Variants in PSEN1 observed in about 807,000 individuals in gnomAD.
The protein encoded by PSEN1 is presenilin-1.
PSEN1 carries 15 observed loss-of-function variants against 53.5 expected under a neutral mutation model. That is an observed-to-expected ratio of 0.28 (90% CI 0.19 to 0.43). The LOEUF is 0.43. Ranked by LOEUF, PSEN1 falls within the 20% of genes least tolerant of loss-of-function variation. The pLI, the probability that PSEN1 is intolerant of heterozygous loss-of-function variation, is 1.00. For missense variants in PSEN1, 387 were observed against 571.2 expected (o/e 0.68, Z 3.29); for synonymous variants, 208 against 209.8 (o/e 0.99, Z 0.08).
chr14:73,205,772 C>G (rs1899430044), intron 8 of PSEN1, among the ~76,000 whole-genome samples: 1 of 152,134 alleles, frequency 6.6e-6, no homozygotes, highest in South Asian at 2.1e-4. Flanking sequence ...CACAATGTCT[C>G]TGAACTAAAA....
rs1900100283 is a variant in PSEN1, at chr14:73,220,645, CAAG to C, written c.*1357_*1359del. The C allele has an allele frequency of 6.6e-6, 1 of 152,156 alleles. No homozygotes were observed. Among genetic ancestry groups the C allele is most frequent in the Non-Finnish European group, 1.5e-5 (1 of 68,034 alleles). 9.4% of individuals were successfully genotyped at this position (152,156 alleles called of 1,614,324 possible). On this transcript the variant is annotated 3_prime_UTR_variant, in exon 12 of 12. Transcript: ENST00000324501. ...AGGGGATACAGTGAGCTAATGATGT[CAAG>C]GAGGAGTTTCAGGTTATTCTCGTCA...
chr14:73,217,714 G>C lies in PSEN1; in HGVS notation c.1248+470G>C, dbSNP rs373894154. On this transcript the variant is annotated intron_variant, in intron 11 of 11. Coordinates refer to ENST00000324501, the MANE Select transcript of PSEN1 (RefSeq NM_000021.4). ...ACTTAAGACAGCAAGCATCTAGTGA[G>C]AGGAGCTGGTGCCATGCATGACCCC... Among the ~76,000 whole-genome samples, 120 of 152,184 alleles carry C rather than the reference G, an allele frequency of 7.9e-4. 1 individual carries two copies. The South Asian group carries it at 0.024, about 30-fold the overall frequency.
At chr14:73,166,902 A>G (rs987821868) in intron 3 of PSEN1, among the ~76,000 whole-genome samples, 2 of 152,214 alleles carry the variant, frequency 1.3e-5, no homozygotes, top group African/African-American at 4.8e-5. Context: ...AAAGCACACC[A>G]TGCCTTTATA....
At chr14:73,164,900 C>A (rs362351) in intron 3 of PSEN1, among the ~76,000 whole-genome samples, 1,764 of 152,264 alleles carry the variant, frequency 0.012, 30 homozygotes, top group African/African-American at 0.038. Context: ...TAAATCTGGA[C>A]AGCCAGTGAA....
rs373410824 is a variant in PSEN1 at position 73,186,963 on chromosome 14, C to A, written c.548+43C>A. On this transcript the variant is annotated intron_variant, in intron 6 of 11. Transcript: ENST00000324501. ...TGGTCTGTCTTTCAGAATTAACTAC[C>A]TTTGTGCTGTGTAGCTATCATTTAA... 5 of 1,419,834 alleles carry A rather than the reference C, an allele frequency of 3.5e-6. No homozygotes were observed. The African/African-American group carries it at 5.6e-5, about 16-fold the overall frequency. The allele number at this position is 1,419,834 out of a possible 1,614,324, so 88.0% of individuals were successfully genotyped here. A position where few individuals can be genotyped will look rare whatever the true frequency, so the allele number is the denominator to read the frequency against.
intron 8 of PSEN1, among the ~76,000 whole-genome samples, chr14:73,200,643 A>G (rs975139023): frequency 3.3e-5 from 5 of 152,208 alleles, no homozygotes; most frequent in African/African-American, 4.8e-5. Context: ...CACGGTAACT[A>G]TCATCTCTAA....
At position 73,164,532 on chromosome 14, in the gene PSEN1, A is replaced by G. The variant is rs144940990; in HGVS notation, c.88-6265A>G. Among the ~76,000 whole-genome samples, 476 of 152,334 alleles carry G rather than the reference A, an allele frequency of 3.1e-3. 2 individuals carry two copies. Among genetic ancestry groups the G allele is most frequent in the African/African-American group, 8.7e-3 (361 of 41,572 alleles). On this transcript the variant is annotated intron_variant, in intron 3 of 11. Coordinates refer to ENST00000324501, the MANE Select transcript of PSEN1 (RefSeq NM_000021.4). The stretch of plus-strand genomic sequence containing the variant: ...TTGAAGTACTATCCCAGTAGAATTT[A>G]CAACAACCCTATCAGGAGATACTTT...
intron 5 of PSEN1, 140 bp from the exon 6 acceptor site, chr14:73,186,713 G>A (rs531592504): frequency 1.3e-6 from 1 of 754,694 alleles, no homozygotes; most frequent in African/African-American, 1.7e-5. Flanking sequence ...GGAGGCAGAG[G>A]TTGTGGTGAG....
intron 11 of PSEN1, among the ~76,000 whole-genome samples, 159 bp downstream of exon 11, chr14:73,217,403 C>A (rs1382808034): frequency 2.0e-5 from 3 of 152,196 alleles, no homozygotes; most frequent in Admixed American, 1.3e-4. Context: ...TAGTTCTCTA[C>A]CCTGGCCACA....
rs868611560 is a variant in PSEN1 at position 73,165,696 on chromosome 14, C to T, written c.88-5101C>T. ...CTAGGAAGCAGAGGCTGTGGTGAGC[C>T]GAGATCGCACCATTGCACTCCAGCC... is the stretch of plus-strand genomic sequence containing the variant. On this transcript the variant is annotated intron_variant, in intron 3 of 11. Coordinates refer to ENST00000324501, the MANE Select transcript of PSEN1 (RefSeq NM_000021.4). Among the ~76,000 whole-genome samples, 8 of 149,648 alleles carry T rather than the reference C, an allele frequency of 5.3e-5. No individual in the cohort carries two copies. The South Asian group carries it at 6.3e-4, about 12-fold the overall frequency.
intron 4 of PSEN1, among the ~76,000 whole-genome samples, chr14:73,172,292 T>C (rs1897915087): frequency 6.6e-6 from 1 of 152,210 alleles, no homozygotes. Flanking sequence ...TTGTGAAGTG[T>C]CTGAAAAACT....
intron 5 of PSEN1, among the ~76,000 whole-genome samples, chr14:73,176,970 A>G (rs1898064111): frequency 2.6e-5 from 4 of 152,168 alleles, no homozygotes. Context: ...TGTGGTTACC[A>G]GTTTTTCCTT....
At chr14:73,173,541 G>C (rs1406381259) in intron 4 of PSEN1, 25 bp from the exon 5 acceptor site, 1 of 1,612,816 alleles carries the variant, frequency 6.2e-7, no homozygotes, top group African/African-American at 1.3e-5. Context: ...ACTGACCTAG[G>C]GCTTTTGTGT....
chr14:73,168,362 AAAAAAC>A (rs1390385495), intron 3 of PSEN1: 1 of 152,280 alleles, frequency 6.6e-6, no homozygotes, highest in Non-Finnish European at 1.5e-5. Context: ...CTCAAAAAAA[AAAAAAC>A]AAAAACAAAA....
chr14:73,152,418 G>A (rs1897255558), intron 3 of PSEN1, among the ~76,000 whole-genome samples: 1 of 148,336 alleles, frequency 6.7e-6, no homozygotes, highest in Non-Finnish European at 1.5e-5. Context: ...TGGCCAACAT[G>A]GTGAAACCCC....
In PSEN1 at chr14:73,212,088, C is replaced by CTTTT. The variant is rs398043836; in HGVS notation, c.1129+184_1129+187dup. ...TTATTTGGATATATCAGTAATAGTG[C>CTTTT]TTTTTTTTTTTTTTTTTTTTTTTTT... On this transcript the variant is annotated intron_variant, in intron 10 of 11. Transcript: ENST00000324501. 2.1e-3 allele frequency: 148 copies of CTTTT among 70,566 alleles called. 47 individuals carry two copies. The highest frequency in any genetic ancestry group is 3.5e-3 in the East Asian group (9 of 2,578). The allele number at this position is 70,566 out of a possible 1,614,324, so 4.4% of individuals were successfully genotyped here.
chr14:73,219,442 G>A lies in PSEN1; in HGVS notation c.*153G>A. Reference sequence around the variant, plus strand: ...CCTTCCAAGTCTTCCTGACCACCTTGCACTATTGGACTTTGGAAGGAGGTG... The same window carrying A: ...CCTTCCAAGTCTTCCTGACCACCTTACACTATTGGACTTTGGAAGGAGGTG... On this transcript the variant is annotated 3_prime_UTR_variant, in exon 12 of 12. Coordinates refer to ENST00000324501, the MANE Select transcript of PSEN1 (RefSeq NM_000021.4). The A allele has an allele frequency of 1.2e-6, 1 of 856,898 alleles. No homozygotes were observed. The highest frequency in any genetic ancestry group is 1.9e-6 in the Non-Finnish European group (1 of 519,050). 53.1% of individuals were successfully genotyped at this position (856,898 alleles called of 1,614,324 possible).
rs1422402491 is a variant in PSEN1, at chr14:73,141,191, C to T, written c.-136+4608C>T. On this transcript the variant is annotated intron_variant, in intron 1 of 11. Coordinates refer to ENST00000324501, the MANE Select transcript of PSEN1 (RefSeq NM_000021.4). Reference sequence around the variant, plus strand: ...CAGCCAAGCAAACTACAGAGCCAAGCCTATAACATCACTGGAGAGAGGTGT... The same window carrying T: ...CAGCCAAGCAAACTACAGAGCCAAGTCTATAACATCACTGGAGAGAGGTGT... 2.0e-5 allele frequency among the ~76,000 whole-genome samples: 3 copies of T among 152,152 alleles called. No homozygotes were observed. In the East Asian group the frequency reaches 5.8e-4, roughly 29 times the overall value.
At chr14:73,217,409 C>T (rs1490312687) in intron 11 of PSEN1, among the ~76,000 whole-genome samples, 165 bp downstream of exon 11, 7 of 152,226 alleles carry the variant, frequency 4.6e-5, no homozygotes, top group African/African-American at 1.7e-4. Flanking sequence ...TCTACCCTGG[C>T]CACACATTAG....
Sources: allele counts gnomAD v4.1 joint callset (sites outside exome capture counted in the v4.1 genomes callset), GRCh38; gene constraint gnomAD v4.1.1; transcripts MANE v1.5; gene names NCBI Gene and HGNC (gene_info 2026-07-23, HGNC 2026-07-21).